DOCK1: variants seen among roughly 807,000 people sequenced by gnomAD.
DOCK1 encodes the protein dedicator of cytokinesis 1, also known as dedicator of cytokinesis protein 1.
In DOCK1, 138 loss-of-function variants were observed where a neutral mutation model predicts 262.7. The ratio of observed to expected loss-of-function variants is 0.53; its 90% confidence interval spans 0.46 to 0.61. The LOEUF is 0.61. Ranked by LOEUF, DOCK1 falls within the 20% of genes least tolerant of loss-of-function variation. The pLI is 0.00. For synonymous variants in DOCK1, 866 were observed against 867.4 expected, an observed-to-expected ratio of 1.00 and a Z score of 0.03; for missense variants, 1,908 against 2,370.7, an observed-to-expected ratio of 0.80 and a Z score of 4.05.
chr10:127,119,335 C>T (rs1425149506), intron 25 of DOCK1, among the ~76,000 whole-genome samples: 2 of 152,154 alleles, frequency 1.3e-5, no homozygotes, highest in African/African-American at 2.4e-5. Context: ...CGTGAGCCAC[C>T]GCGCCCGGCC....
intron 1 of DOCK1, among the ~76,000 whole-genome samples, chr10:126,909,855 G>A (rs1371520969): frequency 3.9e-5 from 6 of 152,210 alleles, no homozygotes; most frequent in Admixed American, 3.3e-4. Flanking sequence ...ATAGTGACAA[G>A]TGACTTCTGT....
chr10:127,316,042 A>G (rs2062264051), intron 29 of DOCK1, among the ~76,000 whole-genome samples: 1 of 152,152 alleles, frequency 6.6e-6, no homozygotes, highest in Admixed American at 6.5e-5. Flanking sequence ...AGAAAAAAAA[A>G]AGGTGTATAT....
At chr10:127,005,476 C>T (rs543980731) in intron 10 of DOCK1, among the ~76,000 whole-genome samples, 18 of 152,258 alleles carry the variant, frequency 1.2e-4, no homozygotes, top group African/African-American at 2.6e-4. Flanking sequence ...ATGACTTCTG[C>T]GTGTCTGTGT....
intron 50 of DOCK1, 25 bp from the exon 51 acceptor site, chr10:127,447,368 AT>A: frequency 6.2e-7 from 1 of 1,604,896 alleles, no homozygotes; most frequent in South Asian, 1.1e-5. Flanking sequence ...AGTCGGGCTG[AT>A]TTTAAATAGA....
intron 27 of DOCK1, among the ~76,000 whole-genome samples, chr10:127,213,244 G>A (rs1358229179): frequency 6.6e-6 from 1 of 152,216 alleles, no homozygotes; most frequent in Non-Finnish European, 1.5e-5. Context: ...GAAGTTAAGT[G>A]TGGGCATCAG....
intron 1 of DOCK1, among the ~76,000 whole-genome samples, chr10:126,912,716 A>G (rs2031982039): frequency 7.9e-6 from 1 of 126,970 alleles, no homozygotes; most frequent in South Asian, 2.9e-4. Flanking sequence ...ACAGAGTGAG[A>G]CTCCATCTCG....
chr10:127,019,050 G>A (rs1273637078), intron 13 of DOCK1: 2 of 629,796 alleles, frequency 3.2e-6, no homozygotes, highest in African/African-American at 1.8e-5. Context: ...GGATGGATCA[G>A]CTCTCCCCAG....
In DOCK1 at chr10:127,100,371, C is replaced by G. The variant is rs889552219; in HGVS notation, c.2446-5860C>G. Among the ~76,000 whole-genome samples, 4 of 152,140 alleles carry G rather than the reference C, an allele frequency of 2.6e-5. No individual in the cohort carries two copies. Among genetic ancestry groups the G allele is most frequent in the Non-Finnish European group, 5.9e-5 (4 of 68,034 alleles). On this transcript the variant is annotated intron_variant, in intron 23 of 51. Coordinates refer to ENST00000623213, the MANE Select transcript of DOCK1 (RefSeq NM_001290223.2). This position sits in a 1 kb window ranked among gnomAD's most constrained non-coding sequence, Gnocchi z 5.5. ...GGAAGAGAGAACACCCGGTGTGATG[C>G]CCAGGCCTGTGGCATGCAGCTGGGG...
At chr10:127,426,906 C>G (rs1314102606) in intron 47 of DOCK1, among the ~76,000 whole-genome samples, 1 of 152,160 alleles carries the variant, frequency 6.6e-6, no homozygotes, top group Non-Finnish European at 1.5e-5. Context: ...ATCTTACAGC[C>G]CACTTGAGAC....
chr10:127,115,081 C>T (rs978659113), intron 25 of DOCK1, among the ~76,000 whole-genome samples: 2 of 152,084 alleles, frequency 1.3e-5, no homozygotes, highest in African/African-American at 2.4e-5. Context: ...TCTATATGCC[C>T]GTCCCCCAGA....
chr10:126,963,573 C>G (rs1349600184), intron 1 of DOCK1, among the ~76,000 whole-genome samples: 1 of 141,626 alleles, frequency 7.1e-6, no homozygotes, highest in Non-Finnish European at 1.5e-5. Context: ...TCCTCTCCCT[C>G]TCCTTCCCTC....
chr10:127,004,842 C>T (rs904199491), intron 10 of DOCK1, among the ~76,000 whole-genome samples: 27 of 146,198 alleles, frequency 1.8e-4, no homozygotes, highest in African/African-American at 6.5e-4. Context: ...ACCAGAATCT[C>T]TACTTTAACC....
chr10:127,102,847 AAG>A (rs2048327961), intron 23 of DOCK1, among the ~76,000 whole-genome samples: 1 of 152,166 alleles, frequency 6.6e-6, no homozygotes, highest in Non-Finnish European at 1.5e-5. Flanking sequence ...CTCAAAAAAA[AAG>A]GTACAATTTA....
chr10:127,323,669 C>T (rs2135589936), intron 29 of DOCK1, among the ~76,000 whole-genome samples: 1 of 152,284 alleles, frequency 6.6e-6, no homozygotes. Flanking sequence ...TCTTTGAGTT[C>T]TGCCACCTAC....
At chr10:126,959,822 TTC>T (rs1213764594) in intron 1 of DOCK1, among the ~76,000 whole-genome samples, 2 of 151,240 alleles carry the variant, frequency 1.3e-5, no homozygotes, top group Non-Finnish European at 3.0e-5. Context: ...TTTAGTTTCT[TTC>T]TTTTTTTTTT....
Position 127,418,522 on chromosome 10 carries a change from G to A in DOCK1, c.4673G>A (p.Gly1558Asp). 6.2e-7 allele frequency: 1 copy of A among 1,613,826 alleles called. No individual in the cohort carries two copies. The highest frequency in any genetic ancestry group is 8.5e-7 in the Non-Finnish European group (1 of 1,179,952). Residue 1558 changes from glycine to aspartate, a missense_variant, in exon 45 of 52, where the codon GGC becomes GAC. Gly to Asp is a moderately conservative substitution (Grantham distance 94). Transcript: ENST00000623213. ...ATCGTGGACCCAGCTGTCATGGGGGGCTTCGCAAACTACGAAAAGGTACGG... is the reference window on the plus strand; with the variant it reads ...ATCGTGGACCCAGCTGTCATGGGGGACTTCGCAAACTACGAAAAGGTACGG... ...NGIVDPAVMG[G>D]FANYEKAFFT...
At chr10:127,230,518 T>C (rs1564920431) in intron 27 of DOCK1, among the ~76,000 whole-genome samples, 1 of 152,172 alleles carries the variant, frequency 6.6e-6, no homozygotes, top group African/African-American at 2.4e-5. Flanking sequence ...TTATTGAAGA[T>C]TATCCTTTCC....
intron 43 of DOCK1, among the ~76,000 whole-genome samples, chr10:127,412,476 C>T (rs2067917624): frequency 6.6e-6 from 1 of 152,252 alleles, no homozygotes; most frequent in South Asian, 2.1e-4. Context: ...GGGAAACCTC[C>T]GGAAATCCTT....
At chr10:127,394,778 G>A (rs1029738791) in intron 38 of DOCK1, among the ~76,000 whole-genome samples, 2 of 152,188 alleles carry the variant, frequency 1.3e-5, no homozygotes, top group African/African-American at 4.8e-5. Flanking sequence ...AAAGCCCACA[G>A]TGTGCCCAGT....
Sources: gnomAD v4.1 joint callset for allele counts (sites outside exome capture counted in the v4.1 genomes callset) on GRCh38, gnomAD v4.1.1 for gene constraint, Gnocchi (gnomAD v3.1) non-coding constraint, MANE v1.5 for transcripts, NCBI Gene and HGNC (gene_info 2026-07-23, HGNC 2026-07-21) for gene names.